Variants in CTBP2 observed in about 807,000 individuals in gnomAD.
CTBP2 encodes the protein C-terminal binding protein 2, also known as C-terminal-binding protein 2.
CTBP2 carries 30 observed loss-of-function variants against 80.3 expected under a neutral mutation model. The ratio of observed to expected loss-of-function variants is 0.37; its 90% CI spans 0.28 to 0.51. The LOEUF (loss-of-function observed/expected upper bound fraction) is 0.51. Among genes scored for constraint, CTBP2 ranks in the 20% least tolerant of loss-of-function variants. The pLI, the probability that CTBP2 is intolerant of heterozygous loss-of-function variation, is 0.93. For synonymous variants in CTBP2, 594 were observed against 587.4 expected (o/e 1.01, Z -0.16); for missense variants, 1,212 against 1,375.3 (o/e 0.88, Z 1.88).
At position 125,101,585 on chromosome 10, in the gene CTBP2, G is replaced by A. The variant is rs943594609; in HGVS notation, c.-102+9405C>T. Among the ~76,000 whole-genome samples, 47 of 152,200 alleles carry A rather than the reference G, an allele frequency of 3.1e-4. 1 individual carries two copies. Among genetic ancestry groups the A allele is most frequent in the Non-Finnish European group, 5.9e-5 (4 of 68,044 alleles). On this transcript the variant is annotated intron_variant, in intron 2 of 10. Transcript: ENST00000337195. ...AGGAAAACATTATTACCAGGTCGAT[G>A]GGCAAGGAGTGAGCAACCCACATCC...
At chr10:125,067,670 TTAA>T (rs1844852867) in intron 2 of CTBP2, among the ~76,000 whole-genome samples, 1 of 152,212 alleles carries the variant, frequency 6.6e-6, no homozygotes, top group Non-Finnish European at 1.5e-5. Context: ...AAGGAAAATA[TTAA>T]TGGCACGCAT....
Position 125,027,221 on chromosome 10 carries a change from T to G in CTBP2, c.539A>C (p.Gln180Pro). 1 of 1,613,194 alleles carries G rather than the reference T, an allele frequency of 6.2e-7. No individual in the cohort carries two copies. The highest frequency in any genetic ancestry group is 8.5e-7 in the Non-Finnish European group (1 of 1,179,684). The change falls in exon 1 of 9, where the codon CAG becomes CCG. Residue 180 changes from glutamine to proline, a missense_variant. By Grantham distance (76) the Gln-to-Pro change is moderately conservative. Transcript: ENST00000309035. ...CCGCCCGGGAGATGCAGCCCTGCTC[T>G]GTGTCTGCCGCCCCTGAGGGATCAT...
chr10:125,061,224 G>A (rs926377868), intron 2 of CTBP2, among the ~76,000 whole-genome samples: 3 of 152,314 alleles, frequency 2.0e-5, no homozygotes, highest in Admixed American at 6.5e-5. Context: ...TCTTATTTTC[G>A]TCTGCAAGGA....
chr10:124,993,384 CCCT>C (rs1407774555), intron 6 of CTBP2, 55 bp from the exon 9 acceptor site: 6 of 1,568,062 alleles, frequency 3.8e-6, no homozygotes, highest in South Asian at 2.3e-5. Flanking sequence ...ACGCTCCCTG[CCCT>C]CCTCAGCACA....
chr10:125,098,866 A>G (rs75666288), intron 2 of CTBP2, among the ~76,000 whole-genome samples: 16,459 of 151,824 alleles, frequency 0.11, 1,239 homozygotes, highest in African/African-American at 0.21. Context: ...AGCAAAGACC[A>G]AGGGGCTCAA....
intron 2 of CTBP2, among the ~76,000 whole-genome samples, chr10:125,081,373 G>A (rs1378796243): frequency 6.6e-6 from 1 of 152,218 alleles, no homozygotes; most frequent in Non-Finnish European, 1.5e-5. Flanking sequence ...TATTAGATAT[G>A]ATTATCAATG....
At chr10:125,017,386 A>G (rs1392064454) in intron 1 of CTBP2, among the ~76,000 whole-genome samples, 2 of 152,150 alleles carry the variant, frequency 1.3e-5, no homozygotes, top group Non-Finnish European at 2.9e-5. Context: ...ATGCAGTGTG[A>G]TTCTTCTATG....
At chr10:125,093,675 T>G (rs937950071) in intron 2 of CTBP2, among the ~76,000 whole-genome samples, 3 of 152,166 alleles carry the variant, frequency 2.0e-5, no homozygotes, top group Non-Finnish European at 4.4e-5. Flanking sequence ...ATTCCTTGCC[T>G]TGGGGAAAGA....
chr10:124,994,855 G>A (rs556520060), intron 4 of CTBP2, among the ~76,000 whole-genome samples, 172 bp from the exon 7 acceptor site: 1 of 152,364 alleles, frequency 6.6e-6, no homozygotes, highest in South Asian at 2.1e-4. Flanking sequence ...GCCCGCGAGG[G>A]GCCACCATGG....
chr10:125,019,661 T>G (rs1171241597), intron 1 of CTBP2, among the ~76,000 whole-genome samples: 3 of 152,280 alleles, frequency 2.0e-5, no homozygotes, highest in African/African-American at 7.2e-5. Context: ...AGAACTTTAC[T>G]CAAAGCAGAT....
intron 1 of CTBP2, chr10:125,005,829 C>T: frequency 6.2e-7 from 1 of 1,603,804 alleles, no homozygotes; most frequent in East Asian, 2.2e-5. Context: ...GTCGCCCACA[C>T]ACAGTGAGGA....
At chr10:125,016,930 G>GA (rs1450980956) in intron 1 of CTBP2, among the ~76,000 whole-genome samples, 1 of 152,240 alleles carries the variant, frequency 6.6e-6, no homozygotes, top group Non-Finnish European at 1.5e-5. Context: ...GTGTTGGGTT[G>GA]AGAGGCCAGA....
At chr10:125,150,759 C>A (rs1244648621) in intron 1 of CTBP2, among the ~76,000 whole-genome samples, 1 of 149,828 alleles carries the variant, frequency 6.7e-6, no homozygotes, top group Non-Finnish European at 1.5e-5. Flanking sequence ...GTCTGACCCA[C>A]GTATTCAACG....
chr10:125,000,921 G>T (rs1441106092), intron 3 of CTBP2: 1 of 152,250 alleles, frequency 6.6e-6, no homozygotes, highest in African/African-American at 2.4e-5. Context: ...TTCGAAAAGT[G>T]CCCTTTAAAA....
rs1564743980 is a variant in CTBP2, at chr10:125,027,418, CG to C, written c.341del (p.Pro114ArgfsTer59). On this transcript the variant is annotated frameshift_variant, in exon 1 of 9. Transcript: ENST00000309035. LOFTEE classifies it high-confidence loss of function. ...CTTTGGGTACCCTAGCAGCTCCAGACGGATCACTGTAGTACTCCCGTGGCAG... is the reference window on the plus strand; with the variant it reads ...CTTTGGGTACCCTAGCAGCTCCAGACGATCACTGTAGTACTCCCGTGGCAG... 1 of 1,614,058 alleles carries C rather than the reference CG, an allele frequency of 6.2e-7. No individual in the cohort carries two copies. Among genetic ancestry groups the C allele is most frequent in the Admixed American group, 1.7e-5 (1 of 60,024 alleles).
chr10:125,160,961 G>T (rs1384446849), upstream of CTBP2: 5 of 151,230 alleles, frequency 3.3e-5, no homozygotes, highest in African/African-American at 1.2e-4. Flanking sequence ...GAAAAGGAAA[G>T]GAAAGAAGCG....
chr10:125,040,789 T>C (rs908556796), intron 2 of CTBP2, among the ~76,000 whole-genome samples: 1 of 152,260 alleles, frequency 6.6e-6, no homozygotes. Flanking sequence ...ACCAGGTTTC[T>C]GTAAGTTAAC....
At chr10:125,007,237 C>T (rs985909291) in intron 1 of CTBP2, among the ~76,000 whole-genome samples, 12 of 152,150 alleles carry the variant, frequency 7.9e-5, no homozygotes, top group African/African-American at 2.4e-4. Context: ...AAAGCCCTGC[C>T]GGCTCCCCTG....
intron 1 of CTBP2, among the ~76,000 whole-genome samples, chr10:125,141,506 C>G (rs1056254454): frequency 3.3e-5 from 5 of 152,188 alleles, no homozygotes; most frequent in Admixed American, 2.0e-4. Context: ...GCCATCCTGA[C>G]TGGTCTCTAC....
Sources: allele counts gnomAD v4.1 joint callset (sites outside exome capture counted in the v4.1 genomes callset), GRCh38; gene constraint gnomAD v4.1.1; transcripts MANE v1.5; gene names NCBI Gene and HGNC (gene_info 2026-07-23, HGNC 2026-07-21).